Variants in HCN1 observed in about 807,000 individuals in gnomAD.
The protein encoded by HCN1 is potassium/sodium hyperpolarization-activated cyclic nucleotide-gated channel 1.
HCN1 carries 13 observed loss-of-function variants against 78.9 expected under a neutral mutation model. The observed-to-expected ratio is 0.16, with a 90% CI of 0.11 to 0.26. The LOEUF (loss-of-function observed/expected upper bound fraction) is 0.26, where lower values mean the gene tolerates loss of function less well. HCN1 is among the 10% of genes least tolerant of loss of function. HCN1 has a pLI of 1.00. For synonymous variants in HCN1, 552 were observed against 455.5 expected (o/e 1.21, Z -2.70); for missense variants, 810 against 1,154.3 (o/e 0.70, Z 4.32).
chr5:45,392,046 C>G (rs555850577), intron 4 of HCN1, among the ~76,000 whole-genome samples: 1 of 151,906 alleles, frequency 6.6e-6, no homozygotes, highest in Non-Finnish European at 1.5e-5. Context: ...GTTGATTTGG[C>G]GCCACTCCTC....
At chr5:45,608,357 A>ATG (rs397970171) in intron 2 of HCN1, among the ~76,000 whole-genome samples, 21,012 of 140,388 alleles carry the variant, frequency 0.15, 1,652 homozygotes, top group Admixed American at 0.24. Flanking sequence ...GGATGGGTGT[A>ATG]TGTGTGTGTG....
intron 2 of HCN1, among the ~76,000 whole-genome samples, chr5:45,567,911 TACACAC>T (rs10601970): frequency 0.016 from 2,266 of 144,360 alleles, 23 homozygotes; most frequent in African/African-American, 0.027. Context: ...ATATGTGAAG[TACACAC>T]ACACACACAC....
At chr5:45,643,823 G>C (rs1200015002) in intron 2 of HCN1, 4 of 152,128 alleles carry the variant, frequency 2.6e-5, no homozygotes, top group Non-Finnish European at 5.9e-5. Context: ...TTATTAGCAA[G>C]AATCATCTTG....
At chr5:45,663,068 T>G (rs1745953178) in intron 1 of HCN1, among the ~76,000 whole-genome samples, 1 of 149,856 alleles carries the variant, frequency 6.7e-6, no homozygotes. Context: ...ATTACAAGGC[T>G]ACAGTAACCA....
chr5:45,641,424 T>C (rs1190908764), intron 2 of HCN1, among the ~76,000 whole-genome samples: 1 of 152,130 alleles, frequency 6.6e-6, no homozygotes, highest in Admixed American at 6.6e-5. Flanking sequence ...TCAAGACACA[T>C]TATTCATCTG....
chr5:45,643,457 C>T (rs1048545438), intron 2 of HCN1: 12 of 152,024 alleles, frequency 7.9e-5, no homozygotes, highest in African/African-American at 2.7e-4. Context: ...TTGCATGGCC[C>T]ACAGTCTTAC....
At chr5:45,567,598 C>G (rs1274090717) in intron 2 of HCN1, among the ~76,000 whole-genome samples, 1 of 140,818 alleles carries the variant, frequency 7.1e-6, no homozygotes, top group Non-Finnish European at 1.5e-5. Context: ...CACACACACA[C>G]ACACACAGAG....
chr5:45,655,942 T>C (rs1745757455), intron 1 of HCN1, among the ~76,000 whole-genome samples: 1 of 152,164 alleles, frequency 6.6e-6, no homozygotes, highest in Non-Finnish European at 1.5e-5. Context: ...TCCAAATAGT[T>C]ACATTATAAT....
At chr5:45,313,899 C>A (rs1324591266) in intron 5 of HCN1, among the ~76,000 whole-genome samples, 1 of 152,104 alleles carries the variant, frequency 6.6e-6, no homozygotes, top group East Asian at 1.9e-4. Context: ...GATTGGTGTA[C>A]CTGAAAGTGA....
At chr5:45,474,101 T>A (rs1037746253) in intron 2 of HCN1, among the ~76,000 whole-genome samples, 2 of 151,850 alleles carry the variant, frequency 1.3e-5, no homozygotes, top group Non-Finnish European at 2.9e-5. Context: ...CACATTTTAG[T>A]TGAGGGAAAT....
At chr5:45,588,539 C>G (rs1744288127) in intron 2 of HCN1, among the ~76,000 whole-genome samples, 1 of 152,104 alleles carries the variant, frequency 6.6e-6, no homozygotes, top group African/African-American at 2.4e-5. Context: ...GAATTCCTGA[C>G]CCCCTCCTCT....
intron 1 of HCN1, among the ~76,000 whole-genome samples, chr5:45,659,926 A>G (rs958986146): frequency 1.3e-4 from 19 of 145,346 alleles, no homozygotes; most frequent in African/African-American, 5.0e-4. Context: ...AAGGCAGGCC[A>G]ACGTTCAGAT....
intron 4 of HCN1, among the ~76,000 whole-genome samples, chr5:45,371,186 C>A (rs1044093316): frequency 1.1e-4 from 17 of 151,882 alleles, no homozygotes; most frequent in Non-Finnish European, 2.1e-4. Context: ...AGAAATATCT[C>A]AAATTAATAA....
intron 1 of HCN1, among the ~76,000 whole-genome samples, chr5:45,681,832 T>C (rs1739707133): frequency 2.0e-5 from 3 of 152,166 alleles, no homozygotes; most frequent in Admixed American, 2.0e-4. Context: ...AAGACAGCAC[T>C]GATTCTAAAG....
intron 2 of HCN1, among the ~76,000 whole-genome samples, chr5:45,514,713 A>C (rs1341039664): frequency 2.6e-5 from 4 of 152,052 alleles, no homozygotes; most frequent in African/African-American, 7.2e-5. Flanking sequence ...CTACAGAGGA[A>C]ACCTTTTCAA....
At chr5:45,614,682 T>C (rs1744907264) in intron 2 of HCN1, among the ~76,000 whole-genome samples, 1 of 152,088 alleles carries the variant, frequency 6.6e-6, no homozygotes, top group African/African-American at 2.4e-5. Flanking sequence ...TCTGCCTATT[T>C]CCTTAAATCG....
At chr5:45,503,999 TG>T (rs1332090817) in intron 2 of HCN1, among the ~76,000 whole-genome samples, 1 of 152,120 alleles carries the variant, frequency 6.6e-6, no homozygotes, top group Non-Finnish European at 1.5e-5. Context: ...TTGGTCAGAC[TG>T]GTCTTGAACT....
chr5:45,299,311 A>G (rs1745559735), intron 6 of HCN1, among the ~76,000 whole-genome samples: 1 of 152,058 alleles, frequency 6.6e-6, no homozygotes, highest in Non-Finnish European at 1.5e-5. Context: ...TATCTGTATG[A>G]TCTTTGCAAT....
At position 45,303,623 on chromosome 5, in the gene HCN1, G is replaced by C. The variant is rs1489714019; in HGVS notation, c.1594C>G (p.Leu532Val). The change falls in exon 6 of 8, where the codon CTG becomes GTG. Residue 532 changes from leucine (L) to valine (V), a missense_variant. Physicochemically the swap from Leu to Val is conservative, Grantham distance 32. Around this residue, in one of 6 missense-constraint regions of HCN1, gnomAD observed 100 missense variants for 126.8 expected, o/e 0.79. Coordinates refer to ENST00000303230, the MANE Select transcript of HCN1 (RefSeq NM_021072.4). The part of the protein sequence containing the change: ...VITKSSKEMK[L>V]TDGSYFGEIC... ...CCTCCAAAGTAAGAGCCATCTGTCA[G>C]CTTCATTTCTTTACTGGATTTTGTA... is the stretch of plus-strand genomic sequence containing the variant. 1.2e-5 allele frequency: 20 copies of C among 1,613,192 alleles called. No homozygotes were observed. Among genetic ancestry groups the C allele is most frequent in the Non-Finnish European group, 1.6e-5 (19 of 1,179,592 alleles).
Sources: gnomAD v4.1 joint callset for allele counts (sites outside exome capture counted in the v4.1 genomes callset) on GRCh38, gnomAD v4.1.1 for gene constraint, gnomAD v4.1.1 regional missense constraint, MANE v1.5 for transcripts, NCBI Gene and HGNC (gene_info 2026-07-23, HGNC 2026-07-21) for gene names.